The following SYMPK variants were observed in gnomAD, a reference collection of about 807,000 sequenced individuals.
SYMPK encodes the protein symplekin.
SYMPK carries 49 observed loss-of-function variants against 136.4 expected under a neutral mutation model. The ratio of observed to expected loss-of-function variants is 0.36; its 90% CI spans 0.29 to 0.46. The LOEUF (loss-of-function observed/expected upper bound fraction) is 0.46. Ranked by LOEUF, SYMPK falls within the 20% of genes least tolerant of loss-of-function variation. The probability of loss-of-function intolerance (pLI) is 1.00; values close to 1 mark genes in which losing one functional copy is unlikely to be tolerated. For synonymous variants in SYMPK, 766 were observed against 713.0 expected (o/e 1.07, Z -1.19); for missense variants, 1,365 against 1,690.0 (o/e 0.81, Z 3.37).
intron 11 of SYMPK, among the ~76,000 whole-genome samples, chr19:45,833,064 G>T (rs1233123829): frequency 6.6e-6 from 1 of 150,932 alleles, no homozygotes; most frequent in African/African-American, 2.4e-5. Flanking sequence ...GCTGGGAATG[G>T]TGGCAGCGGG....
rs762951025 is a variant in SYMPK, at chr19:45,830,161, C to T, written c.1642G>A (p.Asp548Asn). 1.4e-5 allele frequency: 22 copies of T among 1,608,264 alleles called. No individual in the cohort carries two copies. In the Middle Eastern group the frequency reaches 5.0e-4, roughly 36 times the overall value. ...GGRKKIFRLSDVLKPLTDAQV... is the reference protein window; with the variant it reads ...GGRKKIFRLSNVLKPLTDAQV... ...GCATCGGTAAGGGGCTTCAGCACGT[C>T]GCTGAGACGGAAAATTTTCTTGCGC... The change falls in exon 13 of 27, where the codon GAC (aspartate) becomes AAC (asparagine). Residue 548 changes from aspartate (D) to asparagine (N), a missense_variant. Transcript: ENST00000245934.
At chr19:45,832,500 T>C (rs1453432751) in intron 11 of SYMPK, among the ~76,000 whole-genome samples, 1 of 152,002 alleles carries the variant, frequency 6.6e-6, no homozygotes, top group Non-Finnish European at 1.5e-5. Context: ...CACTCCTTGG[T>C]ATATGCTCAA....
chr19:45,835,258 C>T, intron 10 of SYMPK, 30 bp from the exon 11 acceptor site: 1 of 1,542,154 alleles, frequency 6.5e-7, no homozygotes, highest in Non-Finnish European at 8.8e-7. Context: ...AGAGCCTCTC[C>T]TTAATCATTA....
Position 45,856,214 on chromosome 19 carries a change from C to G in SYMPK, c.-12-1707G>C, listed in dbSNP as rs182290062. ...AGTAAAAATACAACAGTTAGCTGAG[C>G]CTATAATCCCAGCTACTCAGGAGGC... is the stretch of plus-strand genomic sequence containing the variant. On this transcript the variant is annotated intron_variant, in intron 1 of 26. Transcript: ENST00000245934. Among the ~76,000 whole-genome samples, 592 of 152,070 alleles carry G rather than the reference C, an allele frequency of 3.9e-3. 6 individuals are homozygous for G. The highest frequency in any genetic ancestry group is 0.014 in the African/African-American group (571 of 41,454).
chr19:45,859,625 GA>G (rs1163130744), intron 1 of SYMPK, among the ~76,000 whole-genome samples: 1 of 151,182 alleles, frequency 6.6e-6, no homozygotes, highest in Non-Finnish European at 1.5e-5. Flanking sequence ...CAAAAACAAA[GA>G]AAGGAAAGAA....
intron 6 of SYMPK, among the ~76,000 whole-genome samples, chr19:45,848,543 C>T (rs147886683): frequency 3.3e-5 from 5 of 152,290 alleles, no homozygotes; most frequent in African/African-American, 4.8e-5. Flanking sequence ...AGTGAATAAA[C>T]GGATGGTCAA....
chr19:45,827,168 A>C (rs965203907), intron 16 of SYMPK, among the ~76,000 whole-genome samples: 4 of 152,126 alleles, frequency 2.6e-5, no homozygotes, highest in Non-Finnish European at 5.9e-5. Context: ...CAATGCCCTC[A>C]GGCCCCGGCA....
intron 11 of SYMPK, 93 bp from the exon 12 acceptor site, chr19:45,831,681 T>C (rs761226925): frequency 9.3e-5 from 98 of 1,056,078 alleles, no homozygotes; most frequent in Non-Finnish European, 1.2e-4. Flanking sequence ...TTCTGAGCCC[T>C]GTACACACAA....
At chr19:45,828,184 C>T (rs1187974283) in intron 14 of SYMPK, 4 of 414,830 alleles carry the variant, frequency 9.6e-6, no homozygotes, top group Admixed American at 7.6e-5. Context: ...AACATAAGAA[C>T]GGGAGGGAAT....
chr19:45,822,688 A>G (rs1970936407), intron 21 of SYMPK, 68 bp downstream of exon 21: 1 of 1,384,476 alleles, frequency 7.2e-7, no homozygotes, highest in African/African-American at 1.4e-5. Flanking sequence ...GGGTGCCTGC[A>G]CCTTGCCTTC....
At chr19:45,846,052 C>T (rs996773768) in intron 7 of SYMPK, among the ~76,000 whole-genome samples, 19 of 152,132 alleles carry the variant, frequency 1.2e-4, no homozygotes, top group African/African-American at 4.1e-4. Context: ...CTGGCTAACA[C>T]AGTGAAACCC....
Position 45,816,999 on chromosome 19 carries a change from T to C in SYMPK, c.3082-25A>G, listed in dbSNP as rs965336488. On this transcript the variant is annotated intron_variant, in intron 23 of 26. Transcript: ENST00000245934. Reference sequence around the variant, plus strand: ...CCTGAACCAGGGAGGGAGGGAGCCGTCGGGAGAGGCACACAGGCATCCCCC... The same window carrying C: ...CCTGAACCAGGGAGGGAGGGAGCCGCCGGGAGAGGCACACAGGCATCCCCC... 5.2e-6 allele frequency: 8 copies of C among 1,549,800 alleles called. No homozygotes were observed. The Admixed American group carries it at 8.0e-5, about 16-fold the overall frequency.
chr19:45,854,879 C>CTT (rs35065812), intron 1 of SYMPK: 337 of 155,168 alleles, frequency 2.2e-3, no homozygotes, highest in East Asian at 7.7e-3. Flanking sequence ...AGCAAACTTT[C>CTT]TTTTTTTTTT....
chr19:45,826,419 G>A, intron 16 of SYMPK, 46 bp from the exon 17 acceptor site: 1 of 1,596,876 alleles, frequency 6.3e-7, no homozygotes, highest in African/African-American at 1.3e-5. Context: ...AGAGGTAAGA[G>A]GAAGAACAGC....
chr19:45,826,646 C>T (rs1480761864), intron 16 of SYMPK, among the ~76,000 whole-genome samples: 1 of 152,200 alleles, frequency 6.6e-6, no homozygotes, highest in African/African-American at 2.4e-5. Flanking sequence ...AGAGGGAGAG[C>T]TCCTCAGTTC....
rs1224432245 is a variant in SYMPK, at chr19:45,816,629, C to T, written c.3259-52G>A. The T allele has an allele frequency of 9.9e-6, 16 of 1,609,578 alleles. No homozygotes were observed. The Admixed American group carries it at 2.7e-4, about 27-fold the overall frequency. On this transcript the variant is annotated intron_variant, in intron 24 of 26. Coordinates refer to ENST00000245934, the MANE Select transcript of SYMPK (RefSeq NM_004819.3). ...TGGGGGCAGCTCTGGCACAGAGACC[C>T]CATTTGCACACCTCAGGTCCGGGGG...
Position 45,855,969 on chromosome 19 carries a change from C to CA in SYMPK, c.-12-1463dup, listed in dbSNP as rs538568424. Among the ~76,000 whole-genome samples the CA allele has an allele frequency of 2.6e-4, 38 of 148,744 alleles. No individual in the cohort carries two copies. The South Asian group carries it at 7.4e-3, about 29-fold the overall frequency. On this transcript the variant is annotated intron_variant, in intron 1 of 26. Transcript: ENST00000245934. Reference sequence around the variant, plus strand: ...TGGGCAGCAGAGTGAGAACTTGACTCAAAAAAAAGAAAGGGGAAAAAATAT... The same window carrying CA: ...TGGGCAGCAGAGTGAGAACTTGACTCAAAAAAAAAGAAAGGGGAAAAAATAT...
intron 15 of SYMPK, 27 bp from the exon 16 acceptor site, chr19:45,827,650 C>T: frequency 6.3e-7 from 1 of 1,596,130 alleles, no homozygotes; most frequent in Non-Finnish European, 8.6e-7. Context: ...GGGACCCGAG[C>T]TCAGCCCACC....
chr19:45,826,155 C>G, intron 17 of SYMPK, 71 bp downstream of exon 17: 1 of 1,533,064 alleles, frequency 6.5e-7, no homozygotes, highest in Non-Finnish European at 8.8e-7. Context: ...CCCCACTCAT[C>G]CCCTCTGCTC....
Sources: gnomAD v4.1 joint callset for allele counts (sites outside exome capture counted in the v4.1 genomes callset) on GRCh38, gnomAD v4.1.1 for gene constraint, MANE v1.5 for transcripts, NCBI Gene and HGNC (gene_info 2026-07-23, HGNC 2026-07-21) for gene names.